Variants in NDRG4 observed in about 807,000 individuals in gnomAD.
The protein encoded by NDRG4 is NDRG family member 4.
NDRG4 carries 38 observed loss-of-function variants against 55.8 expected under a neutral mutation model. The ratio of observed to expected loss-of-function variants is 0.68; its 90% CI spans 0.53 to 0.89. The LOEUF is 0.89. NDRG4 is among the 40% of genes least tolerant of loss of function. The pLI, the probability that NDRG4 is intolerant of heterozygous loss-of-function variation, is 0.00. For synonymous variants in NDRG4, 190 were observed against 182.7 expected, an observed-to-expected ratio of 1.04 and a Z score of -0.32; for missense variants, 455 against 468.6, an observed-to-expected ratio of 0.97 and a Z score of 0.27.
chr16:58,511,286 G>A, intron 14 of NDRG4, 136 bp from the exon 15 acceptor site: 1 of 1,006,738 alleles, frequency 9.9e-7, no homozygotes, highest in Non-Finnish European at 1.5e-6. Context: ...GCTGTCGCCA[G>A]CCTCCTGACT....
intron 1 of NDRG4, among the ~76,000 whole-genome samples, chr16:58,482,664 CA>C (rs769344355): frequency 2.3e-5 from 3 of 131,132 alleles, no homozygotes; most frequent in Non-Finnish European, 3.4e-5. Context: ...TCTCTCTTTC[CA>C]TCCCTCCCTT....
In NDRG4 at chr16:58,506,984, A is replaced by C. The variant is rs1417198115; in HGVS notation, c.589A>C (p.Asn197His). The C allele has an allele frequency of 5.6e-6, 9 of 1,614,044 alleles. No homozygotes were observed. The East Asian group carries it at 1.8e-4, about 32-fold the overall frequency. ...GATTGGGAACGTGGTGAACCAGGCC[A>C]ACCTGCAGCTCTTCTGGAACATGTA... is the stretch of plus-strand genomic sequence containing the variant. ...QQIGNVVNQA[N>H]LQLFWNMYNS... Residue 197 changes from asparagine (N) to histidine (H), a missense_variant, in exon 8 of 15, where the codon AAC becomes CAC. By Grantham distance (68) the Asn-to-His change is moderately conservative. Coordinates refer to ENST00000570248, the MANE Select transcript of NDRG4 (RefSeq NM_001242835.2).
At position 58,507,895 on chromosome 16, in the gene NDRG4, T is replaced by TGGCCTTTGCCCC; in HGVS notation, c.677+32_678-41dup. ...TGGCCCCTGGCCCTCTGGCCTGCCC[T>TGGCCTTTGCCCC]GGCCTTTGCCCCCATGACCCAGCCA... is the stretch of plus-strand genomic sequence containing the variant. On this transcript the variant is annotated intron_variant, in intron 9 of 14. Transcript: ENST00000570248. 2.5e-6 allele frequency: 4 copies of TGGCCTTTGCCCC among 1,613,966 alleles called. 1 individual carries two copies. Among genetic ancestry groups the TGGCCTTTGCCCC allele is most frequent in the East Asian group, 4.5e-5 (2 of 44,878 alleles).
chr16:58,494,969 C>T (rs2036234984), exon 3 of NDRG4: 1 of 1,613,702 alleles, frequency 6.2e-7, no homozygotes, highest in East Asian at 2.2e-5. Flanking sequence ...CCTAGGAGAG[C>T]TCCGATGCCT....
rs764466285 is a variant in NDRG4 at position 58,506,150 on chromosome 16, GTGTGTGTC to G, written c.373-229_373-222del. 1.3e-3 allele frequency: 830 copies of G among 623,310 alleles called. 14 individuals carry two copies. The highest frequency in any genetic ancestry group is 7.0e-3 in the East Asian group (203 of 28,950). The allele number at this position is 623,310 out of a possible 1,614,324, so 38.6% of individuals were successfully genotyped here. ...TGAAAGAGCGTGTGTGTGTGTGTGTGTGTGTGTCTGTGTGTGTGTAGGGGTGGAAACAA... is the reference window on the plus strand; with the variant it reads ...TGAAAGAGCGTGTGTGTGTGTGTGTGTGTGTGTGTGTAGGGGTGGAAACAA... On this transcript the variant is annotated intron_variant, in intron 5 of 14. Transcript: ENST00000570248.
In NDRG4 at chr16:58,483,794, G is replaced by A. The variant is rs150642661; in HGVS notation, c.-23-3962G>A. 7.2e-3 allele frequency among the ~76,000 whole-genome samples: 1,097 copies of A among 152,386 alleles called. 9 individuals are homozygous for A. The highest frequency in any genetic ancestry group is 0.012 in the Non-Finnish European group (785 of 68,040). ...TAAAAGGCATTTTAGGCTGGGCATG[G>A]TGGCTTACGCCAGTAATCCCAGTGC... is the stretch of plus-strand genomic sequence containing the variant. On this transcript the variant is annotated intron_variant, in intron 1 of 15. Transcript: ENST00000258187.
At chr16:58,496,664 A>G (rs2036448335), upstream of NDRG4, among the ~76,000 whole-genome samples, 1 of 151,978 alleles carries the variant, frequency 6.6e-6, no homozygotes, top group South Asian at 2.1e-4. Flanking sequence ...TGTCTACCGC[A>G]TTTTCAGGGA....
intron 1 of NDRG4, among the ~76,000 whole-genome samples, chr16:58,477,131 GAT>G (rs973644293): frequency 2.0e-5 from 3 of 150,550 alleles, no homozygotes; most frequent in African/African-American, 4.9e-5. Context: ...ATATATATGT[GAT>G]ATATATATGT....
At chr16:58,504,109 C>T (rs879026572) in intron 2 of NDRG4, 45 bp from the exon 3 acceptor site, 3 of 1,610,180 alleles carry the variant, frequency 1.9e-6, no homozygotes, top group Admixed American at 1.7e-5. Flanking sequence ...TCCTTCCAGT[C>T]CCCCGGCCCC....
intron 1 of NDRG4, among the ~76,000 whole-genome samples, chr16:58,475,081 T>A (rs1230992482): frequency 6.6e-6 from 1 of 152,194 alleles, no homozygotes; most frequent in Non-Finnish European, 1.5e-5. Context: ...TACTGGAGAC[T>A]GTATTGCAGA....
chr16:58,506,109 TAA>T (rs1404999305), intron 5 of NDRG4: 1 of 595,852 alleles, frequency 1.7e-6, no homozygotes, highest in East Asian at 3.2e-5. Flanking sequence ...AAAAATATAT[TAA>T]GAGCTGATTC....
chr16:58,468,015 G>A (rs1374792424), intron 1 of NDRG4, among the ~76,000 whole-genome samples: 1 of 152,170 alleles, frequency 6.6e-6, no homozygotes, highest in Non-Finnish European at 1.5e-5. Flanking sequence ...GTCTCTGGGG[G>A]ACCCTACTTA....
chr16:58,482,994 C>T (rs1597135505), intron 1 of NDRG4, among the ~76,000 whole-genome samples: 1 of 152,068 alleles, frequency 6.6e-6, no homozygotes, highest in Non-Finnish European at 1.5e-5. Flanking sequence ...CCATGTTGGC[C>T]AGGCTGGTCT....
intron 1 of NDRG4, among the ~76,000 whole-genome samples, chr16:58,482,562 C>A (rs1412399507): frequency 6.6e-6 from 1 of 152,118 alleles, no homozygotes; most frequent in East Asian, 1.9e-4. Flanking sequence ...GAATGTAGGA[C>A]CCCCAGTCAC....
intron 2 of NDRG4, among the ~76,000 whole-genome samples, chr16:58,489,843 C>CT (rs1268112596): frequency 1.6e-4 from 24 of 151,612 alleles, no homozygotes; most frequent in South Asian, 2.1e-4. Flanking sequence ...TTCTTTCTTT[C>CT]TTTTTTTTTC....
intron 1 of NDRG4, among the ~76,000 whole-genome samples, chr16:58,473,262 C>T (rs186944838): frequency 5.9e-5 from 9 of 152,082 alleles, no homozygotes; most frequent in African/African-American, 1.9e-4. Context: ...TGGGCTCAAG[C>T]GATCCTCACG....
chr16:58,476,493 G>T (rs558694169), intron 1 of NDRG4, among the ~76,000 whole-genome samples: 29 of 151,486 alleles, frequency 1.9e-4, no homozygotes, highest in Non-Finnish European at 3.7e-4. Flanking sequence ...TTATGAAAGC[G>T]CTGTGTTATG....
rs1463983915 is a variant in NDRG4, at chr16:58,509,285, G to C, written c.814-16G>C. ...AGGCAGCCAATGAAAGCATGTGCTT[G>C]TCCTGCCCTCCGCAGCCAGGGAAGC... On this transcript the variant is annotated splice_polypyrimidine_tract_variant and intron_variant, in intron 12 of 14. Transcript: ENST00000570248. The C allele has an allele frequency of 1.2e-6, 2 of 1,614,044 alleles. No homozygotes were observed. The highest frequency in any genetic ancestry group is 2.2e-5 in the South Asian group (2 of 91,080).
At chr16:58,506,318 T>C (rs761041270) in intron 5 of NDRG4, 69 bp from the exon 6 acceptor site, 3 of 1,481,176 alleles carry the variant, frequency 2.0e-6, no homozygotes, top group South Asian at 2.3e-5. Context: ...CCTTGAAGAC[T>C]TTACAGAGTG....
Sources: allele counts gnomAD v4.1 joint callset (sites outside exome capture counted in the v4.1 genomes callset), GRCh38; gene constraint gnomAD v4.1.1; transcripts MANE v1.5; gene names NCBI Gene and HGNC (gene_info 2026-07-23, HGNC 2026-07-21).